Variants in PPP2R5D observed in about 807,000 individuals in gnomAD.
PPP2R5D encodes the protein protein phosphatase 2 regulatory subunit B'delta, also known as serine/threonine-protein phosphatase 2A 56 kDa regulatory subunit delta isoform.
A neutral mutation model predicts 79.1 loss-of-function variants in PPP2R5D; 12 were observed. The observed-to-expected ratio is 0.15, with a 90% CI of 0.10 to 0.25. PPP2R5D has a LOEUF of 0.25. PPP2R5D is among the 10% of genes least tolerant of loss of function. The pLI, the probability that PPP2R5D is intolerant of heterozygous loss-of-function variation, is 1.00. For synonymous variants in PPP2R5D, 277 were observed against 286.6 expected (o/e 0.97, Z 0.34); for missense variants, 419 against 760.2 (o/e 0.55, Z 5.28).
chr6:42,989,736 A>G, intron 2 of PPP2R5D, 48 bp downstream of exon 2: 2 of 1,540,462 alleles, frequency 1.3e-6, no homozygotes, highest in Non-Finnish European at 1.8e-6. Flanking sequence ...TGCCACCCGC[A>G]ACTCCATGAT....
At chr6:42,995,112 C>T (rs993362087) in intron 2 of PPP2R5D, among the ~76,000 whole-genome samples, 14 of 140,364 alleles carry the variant, frequency 1.0e-4, no homozygotes, top group Admixed American at 2.9e-4. Flanking sequence ...TGTGTCCCAC[C>T]GAACTTTTTC....
Position 43,008,802 on chromosome 6 carries a change from G to GGTACAGCA in PPP2R5D, c.1080+56_1080+57insGTACAGCA. On this transcript the variant is annotated intron_variant, in intron 10 of 15. Transcript: ENST00000485511. This position sits in a 1 kb window ranked among gnomAD's most constrained non-coding sequence, Gnocchi z 4.2. ...CTCTTACTGTCAGCATCACTTGCCA[G>GGTACAGCA]TCTGTACCTACTGGGGGTGCCATAA... 1 of 1,563,078 alleles carries GGTACAGCA rather than the reference G, an allele frequency of 6.4e-7. No homozygotes were observed. Among genetic ancestry groups the GGTACAGCA allele is most frequent in the Admixed American group, 1.7e-5 (1 of 58,724 alleles).
Position 43,012,087 on chromosome 6 carries a change from G to T in PPP2R5D, c.*801G>T. ...AAGGAAGCAGGGAGCGGTGCCCCAA[G>T]CATGGCTCCTGCCAACACCTATTTA... is the stretch of plus-strand genomic sequence containing the variant. On this transcript the variant is annotated 3_prime_UTR_variant, in exon 16 of 16. Transcript: ENST00000485511. The T allele has an allele frequency of 3.7e-6, 2 of 542,332 alleles. No individual in the cohort carries two copies. The highest frequency in any genetic ancestry group is 4.7e-6 in the Non-Finnish European group (2 of 422,522). The allele number at this position is 542,332 out of a possible 1,614,324, so 33.6% of individuals were successfully genotyped here. A position where few individuals can be genotyped will look rare whatever the true frequency, so the allele number is the denominator to read the frequency against.
rs2150283103 is a variant in PPP2R5D at position 43,010,559 on chromosome 6, G to C, written c.1471G>C (p.Glu491Gln). The change falls in exon 13 of 16, where the codon GAG (glutamate) becomes CAG (glutamine). Residue 491 changes from glutamate (E) to glutamine (Q), a missense_variant. Physicochemically the swap from Glu to Gln is conservative, Grantham distance 29. Coordinates refer to ENST00000485511, the MANE Select transcript of PPP2R5D (RefSeq NM_006245.4). This position sits in a 1 kb window ranked among gnomAD's most constrained non-coding sequence, Gnocchi z 4.7. The stretch of plus-strand genomic sequence containing the variant: ...TGACTGCACACAACAATACAAGGCA[G>C]AGAAGCAGAAGTGAGTATCTCTCTC... ...FDDCTQQYKA[E>Q]KQKGRFRMKE... The C allele has an allele frequency of 6.2e-7, 1 of 1,614,074 alleles. No homozygotes were observed.
rs1423744240 is a variant in PPP2R5D at position 42,992,344 on chromosome 6, C to A, written c.105+2656C>A. ...AAAGTGCTGGGATTACAGATGTGAG[C>A]CACCGCGCCCGGCCCCCTTGCCCTT... On this transcript the variant is annotated intron_variant, in intron 2 of 15. Coordinates refer to ENST00000485511, the MANE Select transcript of PPP2R5D (RefSeq NM_006245.4). Among the ~76,000 whole-genome samples, 3 of 152,244 alleles carry A rather than the reference C, an allele frequency of 2.0e-5. 1 individual carries two copies. The highest frequency in any genetic ancestry group is 7.2e-5 in the African/African-American group (3 of 41,544).
intron 1 of PPP2R5D, among the ~76,000 whole-genome samples, chr6:42,986,963 A>G (rs1770900980): frequency 6.6e-6 from 1 of 151,232 alleles, no homozygotes; most frequent in South Asian, 2.1e-4. Flanking sequence ...GGCAGGCTCT[A>G]AGGGGCAGGG....
Position 42,984,576 on chromosome 6 carries a change from C to T in PPP2R5D, c.-102C>T, listed in dbSNP as rs1770678239. The T allele has an allele frequency of 3.4e-6, 5 of 1,459,962 alleles. No individual in the cohort carries two copies. Among genetic ancestry groups the T allele is most frequent in the Admixed American group, 5.6e-5 (2 of 35,684 alleles). The allele number at this position is 1,459,962 out of a possible 1,614,324, so 90.4% of individuals were successfully genotyped here. A position where few individuals can be genotyped will look rare whatever the true frequency, so the allele number is the denominator to read the frequency against. ...GGCACCGCTCGACCCGGGCGCAGCG[C>T]GCAGGCGGTGGCGAAGAGACGCCGA... is the stretch of plus-strand genomic sequence containing the variant. On this transcript the variant is annotated 5_prime_UTR_variant, in exon 1 of 16. Transcript: ENST00000485511.
chr6:43,006,555 C>A lies in PPP2R5D; in HGVS notation c.198C>A (p.Pro66=), dbSNP rs146145609. 5.6e-6 allele frequency: 9 copies of A among 1,614,174 alleles called. No individual in the cohort carries two copies. The highest frequency in any genetic ancestry group is 2.2e-5 in the East Asian group (1 of 44,884). Reference sequence around the variant, plus strand: ...GTCCCAGCAATAGCACGCCGCCCCCCACGCAGCTCAGCAAAATCAAGTACT... The same window carrying A: ...GTCCCAGCAATAGCACGCCGCCCCCAACGCAGCTCAGCAAAATCAAGTACT... The part of the protein sequence containing the change: ...NKRPSNSTPP[P]TQLSKIKYSG... The change falls in exon 3 of 16, where the codon CCC becomes CCA. Residue 66 remains proline, a synonymous_variant. Coordinates refer to ENST00000485511, the MANE Select transcript of PPP2R5D (RefSeq NM_006245.4). The surrounding 1 kb of genome is among the most constrained non-coding windows in gnomAD (Gnocchi z 4.7).
intron 2 of PPP2R5D, among the ~76,000 whole-genome samples, chr6:43,000,911 G>A (rs912639824): frequency 3.9e-5 from 6 of 152,204 alleles, no homozygotes; most frequent in African/African-American, 1.4e-4. Flanking sequence ...CACCCAGAGG[G>A]GTACAAACAG....
At position 43,006,383 on chromosome 6, in the gene PPP2R5D, A is replaced by G; in HGVS notation, c.106-80A>G. 1 of 1,540,808 alleles carries G rather than the reference A, an allele frequency of 6.5e-7. No homozygotes were observed. Among genetic ancestry groups the G allele is most frequent in the Non-Finnish European group, 8.7e-7 (1 of 1,144,328 alleles). ...CACTGCCCAGGCCTGTGCAGGCATA[A>G]ACAGACTTGGGGATGGCCAGGCCCA... On this transcript the variant is annotated intron_variant, in intron 2 of 15. Transcript: ENST00000485511. The surrounding 1 kb of genome is among the most constrained non-coding windows in gnomAD (Gnocchi z 4.7).
chr6:43,001,618 C>T (rs2150270082), intron 2 of PPP2R5D, among the ~76,000 whole-genome samples: 1 of 152,052 alleles, frequency 6.6e-6, no homozygotes, highest in African/African-American at 2.4e-5. Flanking sequence ...GGCACGGTGG[C>T]TCACACCTGT....
At chr6:43,001,005 TCA>T (rs1185828412) in intron 2 of PPP2R5D, among the ~76,000 whole-genome samples, 1 of 152,072 alleles carries the variant, frequency 6.6e-6, no homozygotes, top group Non-Finnish European at 1.5e-5. Flanking sequence ...GGGTGAGCAG[TCA>T]CAGCGCCAAG....
rs1163890447 is a variant in PPP2R5D, at chr6:42,998,057, A to AT, written c.106-8371dup. 3.9e-4 allele frequency among the ~76,000 whole-genome samples: 5 copies of AT among 12,794 alleles called. 1 individual carries two copies. The highest frequency in any genetic ancestry group is 1.6e-3 in the Admixed American group (1 of 616). 8.4% of individuals were successfully genotyped at this position (12,794 alleles called of 152,430 possible). A position where few individuals can be genotyped will look rare whatever the true frequency, so the allele number is the denominator to read the frequency against. Reference sequence around the variant, plus strand: ...TATATATATATATATATATATATATATTTTTTTTTTTTTTTTTTTTTTTTT... The same window carrying AT: ...TATATATATATATATATATATATATATTTTTTTTTTTTTTTTTTTTTTTTTT... On this transcript the variant is annotated intron_variant, in intron 2 of 15. Transcript: ENST00000485511.
At position 43,011,655 on chromosome 6, in the gene PPP2R5D, T is replaced by A; in HGVS notation, c.*369T>A. ...TTCATCCTCATTTGAACGCCAGGTA[T>A]CTCCCCTCCTCTCTCTCCCCTGCAG... is the stretch of plus-strand genomic sequence containing the variant. On this transcript the variant is annotated 3_prime_UTR_variant, in exon 16 of 16. Transcript: ENST00000485511. The A allele has an allele frequency of 4.1e-6, 1 of 244,002 alleles. No homozygotes were observed. The allele number at this position is 244,002 out of a possible 1,614,324, so 15.1% of individuals were successfully genotyped here. A position where few individuals can be genotyped will look rare whatever the true frequency, so the allele number is the denominator to read the frequency against.
rs774482592 is a variant in PPP2R5D at position 43,009,086 on chromosome 6, C to T, written c.1110C>T (p.Pro370=). 6.2e-7 allele frequency: 1 copy of T among 1,613,968 alleles called. No individual in the cohort carries two copies. The highest frequency in any genetic ancestry group is 8.5e-7 in the Non-Finnish European group (1 of 1,179,938). Residue 370 remains proline (P), a synonymous_variant, in exon 11 of 16, where the codon CCC becomes CCT. Transcript: ENST00000485511. The surrounding 1 kb of genome is among the most constrained non-coding windows in gnomAD (Gnocchi z 5.6). ...PVIVGLLKFW[P]KTHSPKEVMF... is the part of the protein sequence containing the mutation. The stretch of plus-strand genomic sequence containing the variant: ...TTGTGGGACTTCTCAAGTTTTGGCC[C>T]AAGACCCACAGCCCCAAGGAGGTGA...
At chr6:42,995,285 C>T (rs1047610687) in intron 2 of PPP2R5D, among the ~76,000 whole-genome samples, 2 of 151,916 alleles carry the variant, frequency 1.3e-5, no homozygotes, top group Non-Finnish European at 1.5e-5. Flanking sequence ...GCACGAGCCA[C>T]TGTGCTCAGC....
chr6:42,999,732 A>AT (rs949321695), intron 2 of PPP2R5D, among the ~76,000 whole-genome samples: 23 of 150,460 alleles, frequency 1.5e-4, no homozygotes, highest in Non-Finnish European at 1.0e-4. Flanking sequence ...CGCCTGGCTA[A>AT]TTTTTTGTAT....
Position 43,008,175 on chromosome 6 carries a change from CAAGA to C in PPP2R5D, c.858-25_858-22del, listed in dbSNP as rs60380024. The C allele has an allele frequency of 0.052, 84,688 of 1,613,886 alleles. 2,467 individuals carry two copies. Among genetic ancestry groups the C allele is most frequent in the African/African-American group, 0.091 (6,851 of 74,922 alleles). On this transcript the variant is annotated intron_variant, in intron 7 of 15. Transcript: ENST00000485511. This position sits in a 1 kb window ranked among gnomAD's most constrained non-coding sequence, Gnocchi z 4.2. ...ATGCTGGAGGGACATCAGGGGTTGT[CAAGA>C]GAGCCATTTTTCTTCCCTCAGGTTC...
rs537048441 is a variant in PPP2R5D at position 43,011,389 on chromosome 6, G to A, written c.*103G>A. 2.8e-5 allele frequency: 40 copies of A among 1,453,944 alleles called. No individual in the cohort carries two copies. Among genetic ancestry groups the A allele is most frequent in the African/African-American group, 1.3e-4 (9 of 71,050 alleles). 90.1% of individuals were successfully genotyped at this position (1,453,944 alleles called of 1,614,324 possible). Reference sequence around the variant, plus strand: ...ACTGGCTGTCTTGGGGGAAGGCAGCGCCTCTCTAGCTACTCAAGGGAGGGG... The same window carrying A: ...ACTGGCTGTCTTGGGGGAAGGCAGCACCTCTCTAGCTACTCAAGGGAGGGG... On this transcript the variant is annotated 3_prime_UTR_variant, in exon 16 of 16. Coordinates refer to ENST00000485511, the MANE Select transcript of PPP2R5D (RefSeq NM_006245.4).
Sources: allele counts gnomAD v4.1 joint callset (sites outside exome capture counted in the v4.1 genomes callset), GRCh38; gene constraint gnomAD v4.1.1; non-coding constraint Gnocchi (gnomAD v3.1); transcripts MANE v1.5; gene names NCBI Gene and HGNC (gene_info 2026-07-23, HGNC 2026-07-21).